PCNX1: variants seen among roughly 807,000 people sequenced by gnomAD.
PCNX1 encodes pecanex-like protein 1.
PCNX1 carries 78 observed loss-of-function variants against 242.2 expected under a neutral mutation model. The observed-to-expected ratio is 0.32, with a 90% CI of 0.27 to 0.39. The LOEUF is 0.39. PCNX1 is among the 10% of genes least tolerant of loss of function. The probability of loss-of-function intolerance (pLI) is 1.00; values close to 1 mark genes in which losing one functional copy is unlikely to be tolerated. For synonymous variants in PCNX1, 1,024 were observed against 1,032.9 expected (o/e 0.99, Z 0.17); for missense variants, 2,581 against 2,856.5 (o/e 0.90, Z 2.20).
intron 13 of PCNX1, 98 bp from the exon 14 acceptor site, chr14:71,026,019 A>C (rs2060234763): frequency 1.6e-6 from 1 of 642,636 alleles, no homozygotes; most frequent in Non-Finnish European, 2.5e-6. Flanking sequence ...CCATATGGAA[A>C]AAGTTTGAAT....
At chr14:70,910,761 G>A (rs1026268643) in intron 1 of PCNX1, among the ~76,000 whole-genome samples, 2 of 152,100 alleles carry the variant, frequency 1.3e-5, no homozygotes, top group Admixed American at 6.5e-5. Context: ...ACTTAGTTTC[G>A]TTCACTGCTG....
chr14:71,047,997 T>G lies in PCNX1; in HGVS notation c.4338+13T>G, dbSNP rs760395271. The G allele has an allele frequency of 6.3e-7, 1 of 1,588,062 alleles. No homozygotes were observed. On this transcript the variant is annotated intron_variant, in intron 22 of 35. Coordinates refer to ENST00000304743, the MANE Select transcript of PCNX1 (RefSeq NM_014982.3). ...ACTCTTCAACAAGGTAATTTATCAC[T>G]GAAAGGAATATCCTTATCTATAAAA...
At chr14:71,051,025 G>A (rs1486131368) in intron 23 of PCNX1, among the ~76,000 whole-genome samples, 2 of 151,856 alleles carry the variant, frequency 1.3e-5, no homozygotes, top group Non-Finnish European at 2.9e-5. Context: ...TAAATGAGCC[G>A]GGTGTGGTGG....
chr14:70,953,549 T>C (rs972896812), intron 2 of PCNX1, among the ~76,000 whole-genome samples: 4 of 151,798 alleles, frequency 2.6e-5, no homozygotes, highest in Non-Finnish European at 5.9e-5. Context: ...ACTTGTGGCT[T>C]GTCATTTTGC....
At chr14:71,004,011 G>A (rs2059584466) in intron 8 of PCNX1, among the ~76,000 whole-genome samples, 1 of 152,220 alleles carries the variant, frequency 6.6e-6, no homozygotes, top group Non-Finnish European at 1.5e-5. Context: ...AGTTTTTGGA[G>A]CCTAAGATTC....
chr14:71,103,346 A>T, intron 31 of PCNX1, 49 bp from the exon 32 acceptor site: 3 of 1,586,768 alleles, frequency 1.9e-6, no homozygotes, highest in Non-Finnish European at 2.6e-6. Context: ...GTTTCTGTGA[A>T]TTTTATTCTT....
intron 1 of PCNX1, among the ~76,000 whole-genome samples, chr14:70,944,960 A>G (rs573110969): frequency 1.3e-5 from 2 of 152,300 alleles, no homozygotes; most frequent in Non-Finnish European, 2.9e-5. Context: ...CTGTGAGTCA[A>G]TTAAACCTCT....
intron 8 of PCNX1, 121 bp from the exon 9 acceptor site, chr14:71,009,513 A>AT (rs954338355): frequency 4.8e-5 from 23 of 480,802 alleles, no homozygotes; most frequent in African/African-American, 2.4e-4. Flanking sequence ...TTTTAAAAAA[A>AT]TTTTTTTTAA....
rs1351946306 is a variant in PCNX1 at position 71,112,733 on chromosome 14, C to T, written c.*2798C>T. The T allele has an allele frequency of 1.3e-5, 2 of 151,956 alleles. No homozygotes were observed. The highest frequency in any genetic ancestry group is 2.9e-5 in the Non-Finnish European group (2 of 67,962). The allele number at this position is 151,956 out of a possible 1,614,324, so 9.4% of individuals were successfully genotyped here. On this transcript the variant is annotated 3_prime_UTR_variant, in exon 36 of 36. Transcript: ENST00000304743. ...TAATGTCTTTAGTTTATAAATTTGC[C>T]AATGCTTTAATTTCCATAATTTGAA...
At chr14:71,001,482 G>A (rs1472321405) in intron 8 of PCNX1, among the ~76,000 whole-genome samples, 1 of 152,196 alleles carries the variant, frequency 6.6e-6, no homozygotes, top group Admixed American at 6.5e-5. Context: ...ATGCTCAGAA[G>A]TTTATCACTG....
chr14:71,101,963 A>G, intron 30 of PCNX1, 27 bp from the exon 31 acceptor site: 1 of 1,319,572 alleles, frequency 7.6e-7, no homozygotes. Flanking sequence ...TTTCCTTTAA[A>G]AATTTATATA....
intron 6 of PCNX1, among the ~76,000 whole-genome samples, chr14:70,985,201 T>C (rs1230913210): frequency 6.6e-6 from 1 of 152,172 alleles, no homozygotes; most frequent in Non-Finnish European, 1.5e-5. Flanking sequence ...ATTTTTATTT[T>C]ATTTATTTTG....
intron 26 of PCNX1, among the ~76,000 whole-genome samples, chr14:71,066,183 A>G (rs1311041838): frequency 6.6e-6 from 1 of 152,206 alleles, no homozygotes; most frequent in African/African-American, 2.4e-5. Flanking sequence ...GATAGCATTG[A>G]ATCTATAAAT....
At chr14:70,908,632 CGTT>C (rs1238723509) in intron 1 of PCNX1, among the ~76,000 whole-genome samples, 1 of 152,228 alleles carries the variant, frequency 6.6e-6, no homozygotes, top group Non-Finnish European at 1.5e-5. Context: ...TCTAAAAAAC[CGTT>C]GTTGTGCTTC....
intron 10 of PCNX1, 64 bp downstream of exon 10, chr14:71,011,613 C>G: frequency 1.1e-6 from 1 of 952,182 alleles, no homozygotes; most frequent in Non-Finnish European, 1.7e-6. Flanking sequence ...TATGTATTTA[C>G]ATAGATAGCT....
chr14:71,036,872 C>T (rs569786086), intron 19 of PCNX1, among the ~76,000 whole-genome samples: 2 of 152,032 alleles, frequency 1.3e-5, no homozygotes, highest in South Asian at 2.1e-4. Context: ...TGTAAATTAC[C>T]TTGGGCAGTA....
intron 11 of PCNX1, among the ~76,000 whole-genome samples, chr14:71,015,142 GA>G (rs1166167168): frequency 6.6e-6 from 1 of 152,024 alleles, no homozygotes; most frequent in Non-Finnish European, 1.5e-5. Flanking sequence ...GACATCTTCA[GA>G]TCAGAAAAAA....
chr14:71,073,155 T>TG (rs1269469721), intron 26 of PCNX1, among the ~76,000 whole-genome samples: 2 of 152,168 alleles, frequency 1.3e-5, no homozygotes, highest in Non-Finnish European at 2.9e-5. Flanking sequence ...TAGCTGGGCC[T>TG]GGTGGCGCAT....
chr14:70,988,810 GT>G (rs2059073707), intron 7 of PCNX1, 111 bp downstream of exon 7: 1 of 1,331,896 alleles, frequency 7.5e-7, no homozygotes, highest in African/African-American at 1.5e-5. Flanking sequence ...TTTCCTTTCT[GT>G]TTCTTTCCTA....
Sources: gnomAD v4.1 joint callset for allele counts (sites outside exome capture counted in the v4.1 genomes callset) on GRCh38, gnomAD v4.1.1 for gene constraint, MANE v1.5 for transcripts, NCBI Gene and HGNC (gene_info 2026-07-23, HGNC 2026-07-21) for gene names.